Variants in LZTS1 observed in about 807,000 individuals in gnomAD.
The protein encoded by LZTS1 is leucine zipper putative tumor suppressor 1.
A neutral mutation model predicts 45.8 loss-of-function variants in LZTS1; 31 were observed. The ratio of observed to expected loss-of-function variants is 0.68; its 90% CI spans 0.51 to 0.91. LZTS1 has a LOEUF of 0.91. Among genes scored for constraint, LZTS1 ranks in the 40% least tolerant of loss-of-function variants. The probability of loss-of-function intolerance (pLI) is 0.00; values close to 1 mark genes in which losing one functional copy is unlikely to be tolerated. For missense variants in LZTS1, 821 were observed against 788.9 expected, an observed-to-expected ratio of 1.04 and a Z score of -0.49; for synonymous variants, 359 against 357.3, an observed-to-expected ratio of 1.00 and a Z score of -0.05.
At chr8:20,284,385 C>T (rs2128897830) in intron 1 of LZTS1, among the ~76,000 whole-genome samples, 1 of 152,276 alleles carries the variant, frequency 6.6e-6, no homozygotes, top group South Asian at 2.1e-4. Context: ...AGCACAGCTG[C>T]CCTTCTGAAG....
chr8:20,254,776 C>T (rs1361934236), intron 2 of LZTS1, 61 bp downstream of exon 2: 2 of 1,382,580 alleles, frequency 1.4e-6, no homozygotes, highest in African/African-American at 1.4e-5. Flanking sequence ...GGCTCTCCAC[C>T]CCCATTTTGC....
At chr8:20,298,741 G>C (rs1041566541) in intron 1 of LZTS1, among the ~76,000 whole-genome samples, 15 of 152,152 alleles carry the variant, frequency 9.9e-5, no homozygotes, top group Admixed American at 6.5e-5. Flanking sequence ...GTATGCACTT[G>C]TGGTCCCAGC....
At chr8:20,284,822 G>A (rs1259238529) in intron 1 of LZTS1, among the ~76,000 whole-genome samples, 3 of 152,062 alleles carry the variant, frequency 2.0e-5, no homozygotes, top group Non-Finnish European at 2.9e-5. Context: ...TCAACACTTG[G>A]GTCACTTATC....
chr8:20,266,410 T>A (rs1376108571), intron 1 of LZTS1, among the ~76,000 whole-genome samples: 3 of 152,186 alleles, frequency 2.0e-5, no homozygotes, highest in African/African-American at 7.2e-5. Context: ...GCTGAGGCTC[T>A]GGGAAGGCAT....
At chr8:20,283,964 T>C (rs1333334771) in intron 1 of LZTS1, among the ~76,000 whole-genome samples, 1 of 152,282 alleles carries the variant, frequency 6.6e-6, no homozygotes. Context: ...CAACTGAATA[T>C]AGGAAATCTC....
chr8:20,264,231 T>C (rs1390194776), intron 1 of LZTS1, among the ~76,000 whole-genome samples: 2 of 152,254 alleles, frequency 1.3e-5, no homozygotes, highest in Non-Finnish European at 2.9e-5. Flanking sequence ...TGACAGCATG[T>C]AGAGCTAGAT....
chr8:20,250,031 G>A lies in LZTS1; in HGVS notation c.1482C>T (p.Pro494=), dbSNP rs147895092. ...CCCGCTGCAGGGCAGGGACGTCCTC[G>A]GGGAAGGTGGGCGGCCCCATGTCGC... The part of the protein sequence containing the change: ...LARDMGPPTF[P]EDVPALQREL... Residue 494 remains proline (P), a synonymous_variant, in exon 4 of 4, where the codon CCC becomes CCT. Transcript: ENST00000381569. 1.4e-4 allele frequency: 226 copies of A among 1,610,272 alleles called. No homozygotes were observed. The highest frequency in any genetic ancestry group is 1.7e-4 in the Non-Finnish European group (203 of 1,179,214).
At chr8:20,293,470 G>A (rs974755999) in intron 1 of LZTS1, among the ~76,000 whole-genome samples, 6 of 152,142 alleles carry the variant, frequency 3.9e-5, no homozygotes, top group Admixed American at 1.3e-4. Flanking sequence ...ATGAAGACTC[G>A]GTGCTGATTC....
At chr8:20,268,191 T>A (rs899091515) in intron 1 of LZTS1, among the ~76,000 whole-genome samples, 3 of 33,798 alleles carry the variant, frequency 8.9e-5, no homozygotes, top group Admixed American at 3.7e-4. Context: ...CACTCCCATC[T>A]CACCAGGCCT....
chr8:20,289,422 GT>G (rs1476716347), intron 1 of LZTS1: 1 of 152,336 alleles, frequency 6.6e-6, no homozygotes, highest in Non-Finnish European at 1.5e-5. Flanking sequence ...CTCCTGCAGA[GT>G]TCTGTCCTGC....
At chr8:20,279,480 G>A (rs972750264) in intron 1 of LZTS1, among the ~76,000 whole-genome samples, 9 of 152,132 alleles carry the variant, frequency 5.9e-5, no homozygotes, top group African/African-American at 2.2e-4. Context: ...TGAGAGAATC[G>A]CCTGAGGCCA....
intron 1 of LZTS1, among the ~76,000 whole-genome samples, chr8:20,257,368 A>G (rs1800131019): frequency 6.6e-6 from 1 of 152,146 alleles, no homozygotes; most frequent in South Asian, 2.1e-4. Context: ...TCAAAAAAAA[A>G]AGTTGTCAAG....
intron 1 of LZTS1, among the ~76,000 whole-genome samples, chr8:20,287,947 A>T (rs922430732): frequency 1.4e-5 from 2 of 144,598 alleles, no homozygotes; most frequent in African/African-American, 5.1e-5. Context: ...CCCCTTCCCT[A>T]GCCCAGCCCA....
Position 20,251,140 on chromosome 8 carries a change from T to TATATATATATATAA in LZTS1, c.1150-778_1150-777insTTATATATATATAT, listed in dbSNP as rs1563850986. Reference sequence around the variant, plus strand: ...ATATATATATATATATATATATATATATATATATAAAATATAAAGTATAAG... The same window carrying TATATATATATATAA: ...ATATATATATATATATATATATATATATATATATATATAAATATATATAAAATATAAAGTATAAG... On this transcript the variant is annotated intron_variant, in intron 3 of 3. Coordinates refer to ENST00000381569, the MANE Select transcript of LZTS1 (RefSeq NM_021020.5). Among the ~76,000 whole-genome samples the TATATATATATATAA allele has an allele frequency of 4.5e-4, 39 of 86,428 alleles. 1 individual carries two copies. The highest frequency in any genetic ancestry group is 1.7e-3 in the African/African-American group (34 of 20,210). 56.7% of individuals were successfully genotyped at this position (86,428 alleles called of 152,430 possible).
chr8:20,303,763 C>T lies in LZTS1; in HGVS notation c.-158G>A. The T allele has an allele frequency of 1.0e-6, 1 of 985,068 alleles. No homozygotes were observed. Among genetic ancestry groups the T allele is most frequent in the East Asian group, 1.1e-4 (1 of 8,748 alleles). The allele number at this position is 985,068 out of a possible 1,614,324, so 61.0% of individuals were successfully genotyped here. On this transcript the variant is annotated 5_prime_UTR_variant, in exon 1 of 4. The change creates a new upstream start codon in the 5' untranslated region. Coordinates refer to ENST00000381569, the MANE Select transcript of LZTS1 (RefSeq NM_021020.5). The stretch of plus-strand genomic sequence containing the variant: ...ACCTGCCCCCTGCGCCTCGGGCGCA[C>T]TTGAGACTTTTTTTTTTTCCCAGTG...
rs145440077 is a variant in LZTS1 at position 20,253,004 on chromosome 8, C to T, written c.927G>A (p.Pro309=). The change falls in exon 3 of 4, where the codon CCG becomes CCA. Residue 309 remains proline, a synonymous_variant. Coordinates refer to ENST00000381569, the MANE Select transcript of LZTS1 (RefSeq NM_021020.5). Reference sequence around the variant, plus strand: ...TGAGCTTGTTGCCGCCTTTGGGCTCCGGGCCCTCCAGCTCGTCCCTGCAGC... The same window carrying T: ...TGAGCTTGTTGCCGCCTTTGGGCTCTGGGCCCTCCAGCTCGTCCCTGCAGC... ...PRRCRDELEG[P]EPKGGNKLKQ... is the part of the protein sequence containing the mutation. The T allele has an allele frequency of 2.6e-5, 42 of 1,592,102 alleles. No individual in the cohort carries two copies. The African/African-American group carries it at 2.7e-4, about 10-fold the overall frequency.
chr8:20,252,943 C>T lies in LZTS1; in HGVS notation c.988G>A (p.Val330Ile), dbSNP rs1046356894. ...ASQKSQRAQQVLHLQVLQLQQ... is the reference protein window; with the variant it reads ...ASQKSQRAQQILHLQVLQLQQ... ...AGCTGCAGTACCTGCAGGTGCAGGA[C>T]CTGCTGCGCGCGCTGGCTCTTCTGC... Residue 330 changes from valine to isoleucine, a missense_variant, in exon 3 of 4, where the codon GTC becomes ATC. Physicochemically the swap from Val to Ile is conservative, Grantham distance 29 (BLOSUM62 3). Transcript: ENST00000381569. The T allele has an allele frequency of 6.2e-7, 1 of 1,601,666 alleles. No individual in the cohort carries two copies. Among genetic ancestry groups the T allele is most frequent in the Non-Finnish European group, 8.5e-7 (1 of 1,175,744 alleles).
chr8:20,273,514 C>A (rs190363641), intron 1 of LZTS1, among the ~76,000 whole-genome samples: 1 of 152,172 alleles, frequency 6.6e-6, no homozygotes, highest in Admixed American at 6.5e-5. Context: ...GATCCATCTG[C>A]CTTCAGCGTG....
chr8:20,301,321 T>G (rs1208781288), intron 1 of LZTS1, among the ~76,000 whole-genome samples: 1 of 152,128 alleles, frequency 6.6e-6, no homozygotes, highest in Non-Finnish European at 1.5e-5. Context: ...GCTAAATTAC[T>G]TAACTCTCCT....
Sources: allele counts gnomAD v4.1 joint callset (sites outside exome capture counted in the v4.1 genomes callset), GRCh38; gene constraint gnomAD v4.1.1; transcripts MANE v1.5; gene names NCBI Gene and HGNC (gene_info 2026-07-23, HGNC 2026-07-21).